The following NAV3 variants were observed in gnomAD, a reference collection of about 807,000 sequenced individuals.
The protein encoded by NAV3 is neuron navigator 3, also known as pore membrane and/or filament interacting like protein 1.
NAV3 carries 87 observed loss-of-function variants against 244.7 expected under a neutral mutation model. The ratio of observed to expected loss-of-function variants is 0.36; its 90% CI spans 0.30 to 0.42. The LOEUF is 0.42. Among genes scored for constraint, NAV3 ranks in the 20% least tolerant of loss-of-function variants. The pLI is 1.00. For missense variants in NAV3, 2,663 were observed against 2,893.3 expected (o/e 0.92, Z 1.83); for synonymous variants, 1,126 against 1,042.2 (o/e 1.08, Z -1.55).
At chr12:77,998,764 C>G (rs1872761324) in intron 7 of NAV3, among the ~76,000 whole-genome samples, 1 of 151,990 alleles carries the variant, frequency 6.6e-6, no homozygotes, top group Non-Finnish European at 1.5e-5. Context: ...TTTCTTATGT[C>G]TTTTTATGTT....
intron 2 of NAV3, among the ~76,000 whole-genome samples, chr12:77,808,153 C>A (rs1484442241): frequency 6.6e-6 from 1 of 152,036 alleles, no homozygotes; most frequent in East Asian, 1.9e-4. Context: ...TTGTTATTAC[C>A]CACCTTCTGA....
intron 2 of NAV3, among the ~76,000 whole-genome samples, chr12:77,789,315 T>TC (rs1871060804): frequency 1.1e-4 from 1 of 8,814 alleles, no homozygotes; most frequent in African/African-American, 1.2e-4. Flanking sequence ...TAGCCCTTCC[T>TC]TCCCTTACCA....
intron 2 of NAV3, among the ~76,000 whole-genome samples, chr12:77,691,407 C>A (rs954386314): frequency 7.5e-6 from 1 of 133,972 alleles, no homozygotes; most frequent in South Asian, 2.4e-4. Context: ...ATTTCTTAAC[C>A]AGAAATTATT....
chr12:77,724,239 A>C (rs1001816268), intron 2 of NAV3, among the ~76,000 whole-genome samples: 1 of 151,938 alleles, frequency 6.6e-6, no homozygotes, highest in Non-Finnish European at 1.5e-5. Context: ...GTGGGCACTT[A>C]TGTATTTGTT....
intron 2 of NAV3, among the ~76,000 whole-genome samples, chr12:77,649,711 C>A (rs538189744): frequency 7.2e-5 from 11 of 152,162 alleles, no homozygotes; most frequent in South Asian, 4.2e-4. Flanking sequence ...TTAGTCTTGA[C>A]AAATATAAGA....
rs139690891 is a variant in NAV3 at position 77,775,151 on chromosome 12, G to A, written c.73-165168G>A. Among the ~76,000 whole-genome samples the A allele has an allele frequency of 5.9e-5, 9 of 151,864 alleles. 1 individual carries two copies. The East Asian group carries it at 1.4e-3, about 23-fold the overall frequency. On this transcript the variant is annotated intron_variant, in intron 2 of 8. Transcript: ENST00000550042. ...TCATACCTGTAATCCCAGCACTTTC[G>A]GAGGCCAAAGTGGGCAGATCACCTG...
intron 1 of NAV3, among the ~76,000 whole-genome samples, chr12:77,853,048 C>A (rs1162966265): frequency 6.6e-6 from 1 of 152,166 alleles, no homozygotes; most frequent in African/African-American, 2.4e-5. Flanking sequence ...TTCATGAGTA[C>A]GATTACTGCC....
At chr12:77,775,402 AAAAAG>A (rs1476828079) in intron 2 of NAV3, among the ~76,000 whole-genome samples, 1 of 151,940 alleles carries the variant, frequency 6.6e-6, no homozygotes, top group African/African-American at 2.4e-5. Context: ...TGAAAAAAAA[AAAAAG>A]AAAAAAGTGT....
chr12:78,012,465 G>GACCC (rs1239447473), intron 8 of NAV3, among the ~76,000 whole-genome samples: 1 of 151,826 alleles, frequency 6.6e-6, no homozygotes, highest in East Asian at 1.9e-4. Flanking sequence ...ATTGCACCAT[G>GACCC]ACCCTCCAGG....
chr12:77,915,703 G>T (rs578091753), intron 1 of NAV3, among the ~76,000 whole-genome samples: 9 of 151,890 alleles, frequency 5.9e-5, no homozygotes, highest in Non-Finnish European at 1.3e-4. Flanking sequence ...TAAATTCACT[G>T]CATTATTATG....
intron 2 of NAV3, among the ~76,000 whole-genome samples, chr12:77,736,667 T>C (rs1877347816): frequency 6.6e-6 from 1 of 152,150 alleles, no homozygotes; most frequent in South Asian, 2.1e-4. Flanking sequence ...TGCAGATTCA[T>C]GGGGAAAGAA....
At chr12:78,192,071 T>A (rs2139908688) in intron 34 of NAV3, among the ~76,000 whole-genome samples, 1 of 152,280 alleles carries the variant, frequency 6.6e-6, no homozygotes, top group African/African-American at 2.4e-5. Context: ...AAACATAGCT[T>A]TCCCTAAAAA....
chr12:78,164,274 A>C (rs1317266764), intron 23 of NAV3, among the ~76,000 whole-genome samples: 2 of 152,104 alleles, frequency 1.3e-5, no homozygotes, highest in Non-Finnish European at 2.9e-5. Flanking sequence ...AGAGCAGGGC[A>C]GAGAAGTAGC....
At chr12:77,918,375 T>A (rs1887370851) in intron 1 of NAV3, among the ~76,000 whole-genome samples, 1 of 149,956 alleles carries the variant, frequency 6.7e-6, no homozygotes, top group African/African-American at 2.5e-5. Flanking sequence ...ATAGCTAATA[T>A]TAGAGGGACC....
At chr12:77,589,669 A>G (rs912714527) in intron 2 of NAV3, among the ~76,000 whole-genome samples, 2 of 152,238 alleles carry the variant, frequency 1.3e-5, no homozygotes, top group Admixed American at 6.5e-5. Flanking sequence ...AACCACCCCC[A>G]TGATTCAATC....
At chr12:77,655,618 ACTC>A (rs1029347902) in intron 2 of NAV3, among the ~76,000 whole-genome samples, 5 of 151,968 alleles carry the variant, frequency 3.3e-5, no homozygotes, top group African/African-American at 1.2e-4. Context: ...CCACAAAGAT[ACTC>A]CTCGAGAAGA....
At chr12:77,593,358 T>C (rs1870002526) in intron 2 of NAV3, among the ~76,000 whole-genome samples, 1 of 151,892 alleles carries the variant, frequency 6.6e-6, no homozygotes, top group Non-Finnish European at 1.5e-5. Context: ...TTAACACATT[T>C]GCCTCTTCTC....
At chr12:77,609,196 G>T (rs777915194) in intron 2 of NAV3, among the ~76,000 whole-genome samples, 3 of 151,916 alleles carry the variant, frequency 2.0e-5, no homozygotes, top group Non-Finnish European at 4.4e-5. Context: ...TTCAATTAAA[G>T]AATCAAAACC....
chr12:77,680,548 C>A (rs1004800559), intron 2 of NAV3, among the ~76,000 whole-genome samples: 2 of 152,070 alleles, frequency 1.3e-5, no homozygotes, highest in African/African-American at 4.8e-5. Context: ...ACACTTAAGC[C>A]CAGTCGCCAA....
Sources: allele counts gnomAD v4.1 joint callset (sites outside exome capture counted in the v4.1 genomes callset), GRCh38; gene constraint gnomAD v4.1.1; transcripts MANE v1.5; gene names NCBI Gene and HGNC (gene_info 2026-07-23, HGNC 2026-07-21).